The following C16orf74 variants were observed in gnomAD, a reference collection of about 807,000 sequenced individuals.
C16orf74 encodes the protein calcimembrin, also known as uncharacterized protein C16orf74.
Under a neutral mutation model 6.5 loss-of-function variants are expected in C16orf74, and 10 were observed. The ratio of observed to expected loss-of-function variants is 1.54; its 90% CI spans 0.95 to 2.61. C16orf74 has a LOEUF of 2.61. C16orf74 is among the 30% of genes most tolerant of loss of function. C16orf74 has a pLI of 0.00. For missense variants in C16orf74, 141 were observed against 105.9 expected (o/e 1.33, Z -1.45); for synonymous variants, 60 against 42.5 (o/e 1.41, Z -1.60).
At chr16:85,725,740 A>G (rs1475395648) in intron 2 of C16orf74, among the ~76,000 whole-genome samples, 8 of 152,146 alleles carry the variant, frequency 5.3e-5, no homozygotes, top group African/African-American at 1.9e-4. Flanking sequence ...AGTAGCTGGC[A>G]CTACAGGCGC....
chr16:85,711,979 G>A (rs2053974854), intron 2 of C16orf74, among the ~76,000 whole-genome samples: 1 of 152,178 alleles, frequency 6.6e-6, no homozygotes, highest in African/African-American at 2.4e-5. Context: ...CCAACAAATA[G>A]GACTGCCATG....
Position 85,714,608 on chromosome 16 carries a change from C to T in C16orf74, c.29-4301G>A, listed in dbSNP as rs568801048. Among the ~76,000 whole-genome samples, 826 of 151,262 alleles carry T rather than the reference C, an allele frequency of 5.5e-3. 7 individuals carry two copies. The highest frequency in any genetic ancestry group is 0.019 in the African/African-American group (790 of 41,310). ...CTAATTTTTATATTTTTCGTAGAGACGGCGTTTCACCATATTGGCCAGGCT... is the reference window on the plus strand; with the variant it reads ...CTAATTTTTATATTTTTCGTAGAGATGGCGTTTCACCATATTGGCCAGGCT... On this transcript the variant is annotated intron_variant, in intron 2 of 3. Coordinates refer to ENST00000284245, the MANE Select transcript of C16orf74 (RefSeq NM_206967.3).
chr16:85,717,212 C>G (rs1314014212), intron 2 of C16orf74, among the ~76,000 whole-genome samples: 4 of 152,298 alleles, frequency 2.6e-5, no homozygotes, highest in Non-Finnish European at 2.9e-5. Flanking sequence ...GCTGGCATGG[C>G]GAGGTTGGAC....
chr16:85,723,614 C>T (rs150775861), intron 2 of C16orf74, among the ~76,000 whole-genome samples: 1 of 152,192 alleles, frequency 6.6e-6, no homozygotes, highest in Non-Finnish European at 1.5e-5. Context: ...GAAGGGTACA[C>T]ACCCTCCAAC....
intron 2 of C16orf74, among the ~76,000 whole-genome samples, chr16:85,723,547 G>A (rs776696440): frequency 1.2e-4 from 18 of 152,352 alleles, no homozygotes; most frequent in Admixed American, 1.0e-3. Flanking sequence ...CATGGGGTGA[G>A]TGGAAGGGGC....
chr16:85,740,231 G>A (rs371948), intron 1 of C16orf74, among the ~76,000 whole-genome samples: 46,501 of 126,390 alleles, frequency 0.37, 9,057 homozygotes, highest in Middle Eastern at 0.41. Flanking sequence ...AAAAAAAAAA[G>A]AAAAAGAAAT....
chr16:85,732,530 GT>G (rs986976445), intron 2 of C16orf74, among the ~76,000 whole-genome samples: 11 of 151,936 alleles, frequency 7.2e-5, no homozygotes, highest in African/African-American at 2.7e-4. Context: ...GCTGGGCGTG[GT>G]GGCACACGCC....
chr16:85,745,110 C>T (rs952066267), intron 1 of C16orf74, among the ~76,000 whole-genome samples: 4 of 140,614 alleles, frequency 2.8e-5, no homozygotes, highest in Non-Finnish European at 3.0e-5. Context: ...CATTGCACTC[C>T]AGCCTGGGCA....
chr16:85,730,496 C>A (rs1383605782), intron 2 of C16orf74, among the ~76,000 whole-genome samples: 4 of 150,640 alleles, frequency 2.7e-5, no homozygotes, highest in Non-Finnish European at 4.4e-5. Flanking sequence ...ATCCCCCAGA[C>A]CAGGCAAGTG....
intron 1 of C16orf74, among the ~76,000 whole-genome samples, chr16:85,749,416 G>C (rs117894346): frequency 0.029 from 4,426 of 152,206 alleles, 68 homozygotes; most frequent in Middle Eastern, 0.071. Flanking sequence ...CTCCTAAGTA[G>C]CTGGGACTAC....
intron 2 of C16orf74, among the ~76,000 whole-genome samples, chr16:85,729,330 C>CT (rs1445036538): frequency 6.6e-6 from 1 of 152,254 alleles, no homozygotes; most frequent in Non-Finnish European, 1.5e-5. Context: ...CTGTGGGACA[C>CT]TCCCGTGGGT....
intron 2 of C16orf74, among the ~76,000 whole-genome samples, chr16:85,716,047 C>T (rs1464927362): frequency 6.6e-6 from 1 of 151,780 alleles, no homozygotes; most frequent in African/African-American, 2.4e-5. Context: ...CGCTGATGAT[C>T]GTGTCTGTAA....
intron 2 of C16orf74, among the ~76,000 whole-genome samples, chr16:85,718,851 C>T (rs576846592): frequency 6.6e-6 from 1 of 152,252 alleles, no homozygotes; most frequent in Non-Finnish European, 1.5e-5. Flanking sequence ...ATTCCTTCAA[C>T]ATTCAGCACC....
intron 1 of C16orf74, among the ~76,000 whole-genome samples, chr16:85,747,204 C>A (rs984432383): frequency 5.9e-5 from 9 of 152,180 alleles, no homozygotes; most frequent in African/African-American, 2.2e-4. Flanking sequence ...CCTTTCTGTA[C>A]ATTATACATC....
At chr16:85,711,977 T>C (rs933032911) in intron 2 of C16orf74, among the ~76,000 whole-genome samples, 6 of 152,172 alleles carry the variant, frequency 3.9e-5, no homozygotes, top group Non-Finnish European at 5.9e-5. Flanking sequence ...TTCCAACAAA[T>C]AGGACTGCCA....
rs115130777 is a variant in C16orf74 at position 85,720,095 on chromosome 16, A to G, written c.29-9788T>C. On this transcript the variant is annotated intron_variant, in intron 2 of 3. Coordinates refer to ENST00000284245, the MANE Select transcript of C16orf74 (RefSeq NM_206967.3). ...CCAATTACAGGGAAAGCTTTGTGTT[A>G]TTATGGATGAGGCTGGGGTAGCTCT... 5.5e-3 allele frequency among the ~76,000 whole-genome samples: 811 copies of G among 148,502 alleles called. 8 individuals are homozygous for G. Among genetic ancestry groups the G allele is most frequent in the African/African-American group, 0.019 (767 of 40,214 alleles).
chr16:85,726,294 G>A (rs2054132278), intron 2 of C16orf74, among the ~76,000 whole-genome samples: 1 of 152,222 alleles, frequency 6.6e-6, no homozygotes, highest in African/African-American at 2.4e-5. Flanking sequence ...CCCGAGGGCT[G>A]AGTGTGCTGC....
chr16:85,714,837 A>G (rs951903766), intron 2 of C16orf74, among the ~76,000 whole-genome samples: 7 of 151,224 alleles, frequency 4.6e-5, no homozygotes, highest in Non-Finnish European at 1.0e-4. Flanking sequence ...GGTCTAATAC[A>G]GTGGGGTTTG....
rs369824478 is a variant in C16orf74, at chr16:85,710,296, A to C, written c.40T>G (p.Cys14Gly). The C allele has an allele frequency of 2.0e-6, 3 of 1,512,044 alleles. No homozygotes were observed. Among genetic ancestry groups the C allele is most frequent in the Non-Finnish European group, 2.6e-6 (3 of 1,140,922 alleles). The allele number at this position is 1,512,044 out of a possible 1,614,324, so 93.7% of individuals were successfully genotyped here. A position where few individuals can be genotyped will look rare whatever the true frequency, so the allele number is the denominator to read the frequency against. The change falls in exon 3 of 4, where the codon TGT (cysteine) becomes GGT (glycine). Residue 14 changes from cysteine to glycine, a missense_variant. Transcript: ENST00000284245. Reference protein sequence around the residue: ...KMSCLKGFQMCVSSSSSSHDE... With the variant: ...KMSCLKGFQMGVSSSSSSHDE... ...TGGCTGCTGCTGCTGCTGCTGACAC[A>C]CATTTGAAAGCCTGAGAAGCCAGGC...
Sources: gnomAD v4.1 joint callset for allele counts (sites outside exome capture counted in the v4.1 genomes callset) on GRCh38, gnomAD v4.1.1 for gene constraint, MANE v1.5 for transcripts, NCBI Gene and HGNC (gene_info 2026-07-23, HGNC 2026-07-21) for gene names.